Variants in UTS2 observed in about 807,000 individuals in gnomAD.
UTS2 encodes the protein urotensin-2.
In UTS2, 10 loss-of-function variants were observed where a neutral mutation model predicts 12.6. The observed-to-expected ratio is 0.80, with a 90% CI of 0.49 to 1.35. The LOEUF is 1.35. Among genes scored for constraint, UTS2 ranks in the 40% most tolerant of loss-of-function variants. The pLI is 0.00. For synonymous variants in UTS2, 52 were observed against 50.0 expected, an observed-to-expected ratio of 1.04 and a Z score of -0.17; for missense variants, 142 against 143.2, an observed-to-expected ratio of 0.99 and a Z score of 0.04.
chr1:7,891,576 G>GAAAGAAAGAAAGAAAA, the UTS2 span, among the ~76,000 whole-genome samples: 8 of 150,580 alleles, frequency 5.3e-5, no homozygotes, highest in Admixed American at 1.3e-4. Flanking sequence ...AAGAAAGAAA[G>GAAAGAAAGAAAGAAAA]AAAGAAAGAA....
At chr1:7,873,924 T>C in the UTS2 span, among the ~76,000 whole-genome samples, 5 of 152,282 alleles carry the variant, frequency 3.3e-5, no homozygotes, top group East Asian at 9.7e-4. Flanking sequence ...TGTCTTATTT[T>C]TTTTTTAATT....
At chr1:7,851,056 G>A (rs2097413581) in intron 1 of UTS2, 134 bp from the exon 2 acceptor site, 3 of 758,894 alleles carry the variant, frequency 4.0e-6, no homozygotes, top group South Asian at 1.7e-5. Context: ...TTCATGACGT[G>A]TCATCAGTGG....
chr1:7,861,818 C>T, the UTS2 span, among the ~76,000 whole-genome samples: 3 of 152,128 alleles, frequency 2.0e-5, no homozygotes, highest in Non-Finnish European at 4.4e-5. Context: ...TGAGGGCAAA[C>T]TCTGTTCATA....
the UTS2 span, among the ~76,000 whole-genome samples, chr1:7,888,395 G>A: frequency 6.6e-6 from 1 of 151,278 alleles, no homozygotes; most frequent in African/African-American, 2.4e-5. Context: ...CAGGACCCCT[G>A]TTCCCCCAGA....
chr1:7,849,852 G>A (rs575816649), intron 2 of UTS2, among the ~76,000 whole-genome samples, 169 bp from the exon 3 acceptor site: 8 of 152,110 alleles, frequency 5.3e-5, no homozygotes, highest in Non-Finnish European at 8.8e-5. Flanking sequence ...TTCTTATCTC[G>A]AATTCACAGA....
At chr1:7,896,991 C>G in the UTS2 span, among the ~76,000 whole-genome samples, 1 of 142,700 alleles carries the variant, frequency 7.0e-6, no homozygotes, top group Admixed American at 7.7e-5. Context: ...AGCCACTGTG[C>G]CTGGCTGAAA....
upstream of UTS2, among the ~76,000 whole-genome samples, chr1:7,855,245 A>T (rs2151384813): frequency 6.6e-6 from 1 of 152,304 alleles, no homozygotes; most frequent in South Asian, 2.1e-4. Flanking sequence ...GATAAATTGG[A>T]CTTTATCAAA....
chr1:7,899,254 A>G, the UTS2 span, among the ~76,000 whole-genome samples: 1 of 152,180 alleles, frequency 6.6e-6, no homozygotes. Flanking sequence ...GATTCAAACC[A>G]TATCAGAGAG....
chr1:7,892,287 G>A, the UTS2 span, among the ~76,000 whole-genome samples: 9 of 152,092 alleles, frequency 5.9e-5, no homozygotes, highest in South Asian at 2.1e-4. Flanking sequence ...AGCTAAGATC[G>A]AGCGGTCACC....
the UTS2 span, among the ~76,000 whole-genome samples, chr1:7,912,987 T>A: frequency 3.0e-5 from 2 of 67,454 alleles, no homozygotes; most frequent in African/African-American, 1.3e-4. Context: ...AAGTATAGCT[T>A]TTTCTTTTTT....
At chr1:7,853,567 G>T, upstream of UTS2, 1 of 1,243,766 alleles carries the variant, frequency 8.0e-7, no homozygotes, top group Non-Finnish European at 1.1e-6. Context: ...AAAATACATA[G>T]CAAACATTGC....
the UTS2 span, among the ~76,000 whole-genome samples, chr1:7,900,086 C>G: frequency 6.6e-6 from 1 of 152,192 alleles, no homozygotes; most frequent in Admixed American, 6.5e-5. Flanking sequence ...CTTAGCTCCA[C>G]TTCCTGAATG....
the UTS2 span, among the ~76,000 whole-genome samples, chr1:7,877,830 G>A: frequency 2.0e-5 from 3 of 151,856 alleles, no homozygotes; most frequent in Non-Finnish European, 4.4e-5. Flanking sequence ...CTGAGATTGT[G>A]CCACTGCACT....
the UTS2 span, among the ~76,000 whole-genome samples, chr1:7,877,126 C>CAAAA: frequency 6.4e-5 from 4 of 62,802 alleles, no homozygotes; most frequent in East Asian, 5.2e-4. Flanking sequence ...GAGACTCTAT[C>CAAAA]AAAAAAAAAA....
the UTS2 span, among the ~76,000 whole-genome samples, chr1:7,885,189 T>C: frequency 6.6e-6 from 1 of 152,156 alleles, no homozygotes; most frequent in Non-Finnish European, 1.5e-5. Context: ...TTGTATATAA[T>C]TCTCATTTGG....
intron 3 of UTS2, among the ~76,000 whole-genome samples, chr1:7,848,348 A>G (rs946871735): frequency 2.0e-5 from 3 of 152,050 alleles, no homozygotes; most frequent in Non-Finnish European, 4.4e-5. Context: ...CTGAGGCATT[A>G]GAATTGCTTG....
At chr1:7,863,091 T>G in the UTS2 span, among the ~76,000 whole-genome samples, 1 of 124,238 alleles carries the variant, frequency 8.0e-6, no homozygotes, top group African/African-American at 3.4e-5. Flanking sequence ...TTGTATTGTA[T>G]TGTATTGTAT....
At chr1:7,902,526 T>C in the UTS2 span, among the ~76,000 whole-genome samples, 3 of 152,194 alleles carry the variant, frequency 2.0e-5, no homozygotes, top group Admixed American at 2.0e-4. Flanking sequence ...CACATCATTG[T>C]TGGACTATTA....
intron 2 of UTS2, 139 bp downstream of exon 2, chr1:7,850,673 G>T: frequency 1.3e-6 from 1 of 797,560 alleles, no homozygotes; most frequent in Non-Finnish European, 2.0e-6. Context: ...GGCCGGGAGG[G>T]GAGAGTGTTG....
Sources: gnomAD v4.1 joint callset for allele counts (sites outside exome capture counted in the v4.1 genomes callset) on GRCh38, gnomAD v4.1.1 for gene constraint, MANE v1.5 for transcripts, NCBI Gene and HGNC (gene_info 2026-07-23, HGNC 2026-07-21) for gene names.